ALG6: variants seen among roughly 807,000 people sequenced by gnomAD.
The protein encoded by ALG6 is dolichyl pyrophosphate Man9GlcNAc2 alpha-1,3-glucosyltransferase.
Under a neutral mutation model 66.6 loss-of-function variants are expected in ALG6, and 46 were observed. The ratio of observed to expected loss-of-function variants is 0.69; its 90% CI spans 0.55 to 0.88. The LOEUF (loss-of-function observed/expected upper bound fraction) is 0.88. Among genes scored for constraint, ALG6 ranks in the 40% least tolerant of loss-of-function variants. The pLI is 0.00. For missense variants in ALG6, 505 were observed against 586.8 expected, an observed-to-expected ratio of 0.86 and a Z score of 1.44; for synonymous variants, 185 against 203.7, an observed-to-expected ratio of 0.91 and a Z score of 0.78.
intron 2 of ALG6, among the ~76,000 whole-genome samples, chr1:63,377,442 TC>T (rs1247999669): frequency 6.6e-6 from 1 of 152,208 alleles, no homozygotes; most frequent in Non-Finnish European, 1.5e-5. Context: ...GCAATTTCCT[TC>T]CGCAATTGCT....
intron 12 of ALG6, among the ~76,000 whole-genome samples, chr1:63,426,589 G>A (rs974839615): frequency 9.2e-5 from 14 of 152,278 alleles, no homozygotes; most frequent in African/African-American, 3.4e-4. Flanking sequence ...AGTCACCCAG[G>A]CTGGAGCAAA....
At chr1:63,375,829 TG>T (rs1478193045) in intron 2 of ALG6, among the ~76,000 whole-genome samples, 1 of 152,162 alleles carries the variant, frequency 6.6e-6, no homozygotes, top group East Asian at 1.9e-4. Flanking sequence ...GAATTATTTT[TG>T]TAATTTATAT....
At chr1:63,428,823 A>G in intron 13 of ALG6, 22 bp downstream of exon 13, 4 of 1,591,500 alleles carry the variant, frequency 2.5e-6, no homozygotes, top group Non-Finnish European at 3.4e-6. Context: ...CAATTTCCAT[A>G]TATTTTCAGT....
At chr1:63,394,660 G>T (rs547169907) in intron 2 of ALG6, among the ~76,000 whole-genome samples, 5 of 152,114 alleles carry the variant, frequency 3.3e-5, no homozygotes, top group African/African-American at 1.2e-4. Flanking sequence ...GAGCCACCAC[G>T]CCCGGCCACC....
chr1:63,370,942 G>A lies in ALG6; in HGVS notation c.-36G>A, dbSNP rs376601985. ...GTTTTAAAAGTACTCTGGCACTGGTGCTGTGTTTTCTTCCCCTCCCTAAAT... is the reference window on the plus strand; with the variant it reads ...GTTTTAAAAGTACTCTGGCACTGGTACTGTGTTTTCTTCCCCTCCCTAAAT... On this transcript the variant is annotated 5_prime_UTR_variant, in exon 2 of 15. Transcript: ENST00000263440. 2.4e-6 allele frequency: 3 copies of A among 1,269,812 alleles called. No homozygotes were observed. The highest frequency in any genetic ancestry group is 3.5e-6 in the Non-Finnish European group (3 of 865,462). The allele number at this position is 1,269,812 out of a possible 1,614,324, so 78.7% of individuals were successfully genotyped here.
rs71577211 is a variant in ALG6 at position 63,400,194 on chromosome 1, C to CAAAA, written c.168-2050_168-2047dup. Among the ~76,000 whole-genome samples the CAAAA allele has an allele frequency of 1.3e-3, 25 of 19,514 alleles. 1 individual carries two copies. Among genetic ancestry groups the CAAAA allele is most frequent in the African/African-American group, 1.9e-3 (5 of 2,694 alleles). The allele number at this position is 19,514 out of a possible 152,430, so 12.8% of individuals were successfully genotyped here. On this transcript the variant is annotated intron_variant, in intron 3 of 14. Transcript: ENST00000263440. ...GGGCAACAAGAGCAAAACTCTGTCT[C>CAAAA]AAAAAAAAAAAAATATATATATATA...
chr1:63,427,322 C>A (rs1644620981), intron 12 of ALG6, among the ~76,000 whole-genome samples: 1 of 151,754 alleles, frequency 6.6e-6, no homozygotes, highest in African/African-American at 2.4e-5. Flanking sequence ...CTAGTAATTT[C>A]TTTTAGTAGT....
At chr1:63,388,002 G>A (rs570799141) in intron 2 of ALG6, among the ~76,000 whole-genome samples, 1 of 152,018 alleles carries the variant, frequency 6.6e-6, no homozygotes, top group Non-Finnish European at 1.5e-5. Context: ...TTTCTTGTAG[G>A]CAACAGACTG....
chr1:63,398,173 A>T (rs544501469), intron 3 of ALG6, among the ~76,000 whole-genome samples: 19 of 152,302 alleles, frequency 1.2e-4, no homozygotes, highest in African/African-American at 4.3e-4. Flanking sequence ...TTTATGCAAG[A>T]ACTTCATATT....
chr1:63,407,813 C>T (rs1244816638), intron 7 of ALG6, among the ~76,000 whole-genome samples: 2 of 151,994 alleles, frequency 1.3e-5, no homozygotes, highest in Non-Finnish European at 2.9e-5. Flanking sequence ...TATAATAACA[C>T]TAATAGGTAT....
chr1:63,402,728 A>G (rs1264841439), intron 4 of ALG6, among the ~76,000 whole-genome samples: 2 of 150,594 alleles, frequency 1.3e-5, no homozygotes, highest in African/African-American at 4.9e-5. Context: ...CAGCCTCCCA[A>G]AGTGCTGGGA....
rs74672303 is a variant in ALG6, at chr1:63,411,743, C to T, written c.681-183C>T. On this transcript the variant is annotated intron_variant, in intron 8 of 14. Transcript: ENST00000263440. ...ATAACAGTCCTTTTGTTGAAGTGCA[C>T]GTCTTAGCTGTTGTGAATTTTTTAC... Among the ~76,000 whole-genome samples the T allele has an allele frequency of 0.037, 5,618 of 152,156 alleles. 396 individuals are homozygous for T. Among genetic ancestry groups the T allele is most frequent in the African/African-American group, 0.13 (5,304 of 41,510 alleles).
chr1:63,381,889 G>A (rs1648321379), intron 2 of ALG6, among the ~76,000 whole-genome samples: 1 of 152,096 alleles, frequency 6.6e-6, no homozygotes, highest in African/African-American at 2.4e-5. Context: ...TAAGAAGTGA[G>A]TTTTCACTAT....
intron 2 of ALG6, 95 bp downstream of exon 2, chr1:63,371,154 G>A: frequency 1.2e-6 from 1 of 836,364 alleles, no homozygotes; most frequent in Non-Finnish European, 2.0e-6. Context: ...CCAGTACAGA[G>A]AAGAATTTCA....
intron 3 of ALG6, 140 bp downstream of exon 3, chr1:63,396,737 G>C: frequency 1.3e-6 from 1 of 754,904 alleles, no homozygotes; most frequent in Non-Finnish European, 2.2e-6. Flanking sequence ...GTATTGCCTT[G>C]CATTTTGTAG....
At chr1:63,377,571 C>T (rs1396504609) in intron 2 of ALG6, among the ~76,000 whole-genome samples, 2 of 152,162 alleles carry the variant, frequency 1.3e-5, no homozygotes, top group Admixed American at 6.6e-5. Flanking sequence ...TTTATATCCT[C>T]TTGAACAATG....
chr1:63,401,502 C>T (rs998425750), intron 3 of ALG6, among the ~76,000 whole-genome samples: 5 of 151,122 alleles, frequency 3.3e-5, no homozygotes, highest in African/African-American at 1.2e-4. Flanking sequence ...CCCGTCTCTA[C>T]TAAAAATACA....
At chr1:63,373,299 G>A (rs549725281) in intron 2 of ALG6, among the ~76,000 whole-genome samples, 3 of 151,594 alleles carry the variant, frequency 2.0e-5, no homozygotes, top group Non-Finnish European at 2.9e-5. Flanking sequence ...GAGCCACTAT[G>A]TCCAGTCAAT....
intron 12 of ALG6, among the ~76,000 whole-genome samples, chr1:63,421,976 A>G (rs1644575886): frequency 6.8e-6 from 1 of 147,846 alleles, no homozygotes. Flanking sequence ...TATGTAACAA[A>G]CCTGCATGTT....
Sources: allele counts gnomAD v4.1 joint callset (sites outside exome capture counted in the v4.1 genomes callset), GRCh38; gene constraint gnomAD v4.1.1; transcripts MANE v1.5; gene names NCBI Gene and HGNC (gene_info 2026-07-23, HGNC 2026-07-21).